Variants in ZZEF1 observed in about 807,000 individuals in gnomAD.
ZZEF1 encodes zinc finger ZZ-type and EF-hand domain containing 1, also known as zinc finger ZZ-type and EF-hand domain-containing protein 1.
Under a neutral mutation model 342.8 loss-of-function variants are expected in ZZEF1, and 157 were observed. That is an observed-to-expected ratio of 0.46 (90% CI 0.40 to 0.52). The LOEUF is 0.52. Among genes scored for constraint, ZZEF1 ranks in the 20% least tolerant of loss-of-function variants. ZZEF1 has a pLI of 0.00. For missense variants in ZZEF1, 3,480 were observed against 3,725.6 expected (o/e 0.93, Z 1.72); for synonymous variants, 1,505 against 1,429.1 (o/e 1.05, Z -1.20).
chr17:4,083,696 G>T (rs2057767633), intron 16 of ZZEF1, among the ~76,000 whole-genome samples: 1 of 147,554 alleles, frequency 6.8e-6, no homozygotes, highest in Admixed American at 6.8e-5. Context: ...GAAGTGCAGT[G>T]GCGTGATCTC....
At chr17:4,131,771 C>G (rs867549845) in intron 1 of ZZEF1, among the ~76,000 whole-genome samples, 1 of 151,630 alleles carries the variant, frequency 6.6e-6, no homozygotes, top group Non-Finnish European at 1.5e-5. Flanking sequence ...AGAGCAAGAC[C>G]CTGTCTCAAA....
In ZZEF1 at chr17:4,014,350, G is replaced by A; in HGVS notation, c.8311C>T (p.Pro2771Ser). ...AATCGAGTATTTGTTTCACTACCTG[G>A]AAGTTCAAAATCTTTCCACTTCTGC... ...SQQKWKDFEL[P>S]GDTLYYRFTS... The change falls in exon 50 of 55, where the codon CCA becomes TCA. Residue 2771 changes from proline (P) to serine (S), a missense_variant. Around this residue, in one of 5 missense-constraint regions of ZZEF1, gnomAD observed 1,269 missense variants for 1,342.4 expected, o/e 0.95. Coordinates refer to ENST00000381638, the MANE Select transcript of ZZEF1 (RefSeq NM_015113.4). This position sits in a 1 kb window ranked among gnomAD's most constrained non-coding sequence, Gnocchi z 4.4. 6.2e-7 allele frequency: 1 copy of A among 1,614,152 alleles called. No homozygotes were observed. Among genetic ancestry groups the A allele is most frequent in the Non-Finnish European group, 8.5e-7 (1 of 1,180,026 alleles).
Position 4,050,784 on chromosome 17 carries a change from T to TTCC in ZZEF1, c.5857_5859dup (p.Gly1953dup), listed in dbSNP as rs1356644156. 9.9e-6 allele frequency: 16 copies of TTCC among 1,613,756 alleles called. No individual in the cohort carries two copies. Among genetic ancestry groups the TTCC allele is most frequent in the Non-Finnish European group, 1.4e-5 (16 of 1,180,034 alleles). On this transcript the variant is annotated inframe_insertion, in exon 36 of 55. Coordinates refer to ENST00000381638, the MANE Select transcript of ZZEF1 (RefSeq NM_015113.4). ...TTTCTGTGCATTGGGAAGTCACCTT[T>TTCC]TCCCTGATGAGCCTTCATCAGACAG... is the stretch of plus-strand genomic sequence containing the variant.
chr17:4,070,237 C>A (rs2057482438), intron 26 of ZZEF1, among the ~76,000 whole-genome samples: 1 of 152,212 alleles, frequency 6.6e-6, no homozygotes, highest in Non-Finnish European at 1.5e-5. Context: ...CATTCAAGAA[C>A]TTAAACATCT....
intron 52 of ZZEF1, among the ~76,000 whole-genome samples, chr17:4,011,918 T>C (rs979206777): frequency 3.9e-5 from 6 of 152,156 alleles, no homozygotes; most frequent in Non-Finnish European, 7.4e-5. Context: ...GACTGCCCCT[T>C]GTGTGTGGCC....
At chr17:4,010,078 C>G (rs182186019) in intron 52 of ZZEF1, among the ~76,000 whole-genome samples, 26 of 152,252 alleles carry the variant, frequency 1.7e-4, no homozygotes, top group African/African-American at 6.0e-4. Context: ...AATCCCAGCA[C>G]TTTGGGAAGC....
intron 44 of ZZEF1, among the ~76,000 whole-genome samples, chr17:4,022,261 C>T (rs1309339751): frequency 4.6e-5 from 7 of 152,174 alleles, no homozygotes; most frequent in South Asian, 2.1e-4. Context: ...AGAAAGTCCA[C>T]AGGGAACCAC....
chr17:4,132,693 GTGGT>G (rs2058682537), intron 1 of ZZEF1, among the ~76,000 whole-genome samples: 1 of 123,636 alleles, frequency 8.1e-6, no homozygotes, highest in Non-Finnish European at 1.8e-5. Flanking sequence ...TTAGCCGGGT[GTGGT>G]GGCGGGCGCC....
At position 4,102,415 on chromosome 17, in the gene ZZEF1, C is replaced by T. The variant is rs2058141979; in HGVS notation, c.1574G>A (p.Gly525Asp). 6.2e-7 allele frequency: 1 copy of T among 1,612,944 alleles called. No homozygotes were observed. Among genetic ancestry groups the T allele is most frequent in the South Asian group, 1.1e-5 (1 of 91,032 alleles). The change falls in exon 9 of 55, where the codon GGT becomes GAT. Residue 525 changes from glycine (G) to aspartate (D), a missense_variant and splice_region_variant. By Grantham distance (94) the Gly-to-Asp change is moderately conservative. Around this residue, in one of 5 missense-constraint regions of ZZEF1, gnomAD observed 1,528 missense variants for 1,624.1 expected, o/e 0.94. Transcript: ENST00000381638. The stretch of plus-strand genomic sequence containing the variant: ...CTGAAGAGTCAACTGGAGAGGTTTA[C>T]CTGACCAAAGAAAAGGAAGACCAAG... Reference protein sequence around the residue: ...SVRQNLLLKYGKPLQLTLQAC... With the variant: ...SVRQNLLLKYDKPLQLTLQAC...
chr17:4,107,936 G>A (rs2058238621), intron 6 of ZZEF1, among the ~76,000 whole-genome samples: 1 of 152,170 alleles, frequency 6.6e-6, no homozygotes, highest in South Asian at 2.1e-4. Flanking sequence ...AGCATTCCGA[G>A]AATAATGAGA....
chr17:4,114,343 T>C lies in ZZEF1; in HGVS notation c.822A>G (p.Ser274=). ...DIDKMTNGET[S]SYWQSDGSAC... is the part of the protein sequence containing the mutation. ...CACTGCCATCTGACTGCCAGTAGGA[T>C]GAGGTTTCTCCATTTGTCATCTTGT... Residue 274 remains serine (S), a synonymous_variant, in exon 4 of 55, where the codon TCA becomes TCG. Coordinates refer to ENST00000381638, the MANE Select transcript of ZZEF1 (RefSeq NM_015113.4). The C allele has an allele frequency of 6.2e-7, 1 of 1,610,962 alleles. No individual in the cohort carries two copies. Among genetic ancestry groups the C allele is most frequent in the Non-Finnish European group, 8.5e-7 (1 of 1,178,552 alleles).
At chr17:4,037,742 C>A (rs2056705997) in intron 39 of ZZEF1, among the ~76,000 whole-genome samples, 1 of 152,128 alleles carries the variant, frequency 6.6e-6, no homozygotes, top group African/African-American at 2.4e-5. Flanking sequence ...TGCCACCATG[C>A]CTGGTTAATT....
At position 4,031,929 on chromosome 17, in the gene ZZEF1, T is replaced by A. The variant is rs968115; in HGVS notation, c.6892+197A>T. On this transcript the variant is annotated intron_variant, in intron 42 of 54. Transcript: ENST00000381638. ...GAGCCATATACACAAAAAGACAGCA[T>A]GGAAAGGGGCCTTTGAAATTATCCC... Among the ~76,000 whole-genome samples the A allele has an allele frequency of 2.0e-5, 3 of 152,134 alleles. No homozygotes were observed. The South Asian group carries it at 6.2e-4, about 32-fold the overall frequency.
At chr17:4,053,801 A>C (rs1359776725) in intron 34 of ZZEF1, among the ~76,000 whole-genome samples, 2 of 152,238 alleles carry the variant, frequency 1.3e-5, no homozygotes, top group Admixed American at 6.5e-5. Flanking sequence ...TCCACTGAAC[A>C]TACATACACT....
chr17:4,048,584 T>C (rs1160258760), intron 37 of ZZEF1, among the ~76,000 whole-genome samples: 1 of 152,226 alleles, frequency 6.6e-6, no homozygotes, highest in African/African-American at 2.4e-5. Flanking sequence ...GAATAGCTTT[T>C]CTGTTTATGC....
In ZZEF1 at chr17:4,070,881, T is replaced by C. The variant is rs566534681; in HGVS notation, c.3878A>G (p.Asp1293Gly). 4.3e-6 allele frequency: 7 copies of C among 1,613,852 alleles called. No individual in the cohort carries two copies. In the East Asian group the frequency reaches 1.1e-4, roughly 26 times the overall value. ...PDDPCRHFLL[D>G]FAQSEPAQNF... is the part of the protein sequence containing the mutation. ...CTGAGCAGGCTCTGACTGGGCAAAA[T>C]CAAGAAGAAAATGGCGGCAGGGGTC... Residue 1293 changes from aspartate (D) to glycine (G), a missense_variant, in exon 26 of 55, where the codon GAT becomes GGT. Coordinates refer to ENST00000381638, the MANE Select transcript of ZZEF1 (RefSeq NM_015113.4).
intron 9 of ZZEF1, among the ~76,000 whole-genome samples, chr17:4,100,492 A>C (rs575725548): frequency 6.6e-6 from 1 of 152,324 alleles, no homozygotes; most frequent in East Asian, 1.9e-4. Context: ...GGGTAGGTAA[A>C]AGACACAGGG....
chr17:4,022,896 T>TCA, intron 43 of ZZEF1, 68 bp from the exon 44 acceptor site: 2 of 1,569,744 alleles, frequency 1.3e-6, no homozygotes, highest in Non-Finnish European at 1.7e-6. Flanking sequence ...TAGCTGTAAC[T>TCA]CAGTCTGTTC....
intron 1 of ZZEF1, among the ~76,000 whole-genome samples, chr17:4,136,481 G>A (rs929103234): frequency 1.4e-4 from 22 of 152,140 alleles, no homozygotes; most frequent in African/African-American, 4.6e-4. Flanking sequence ...AGGCGACTGA[G>A]ACACTGTGGT....
Sources: allele counts gnomAD v4.1 joint callset (sites outside exome capture counted in the v4.1 genomes callset), GRCh38; gene constraint gnomAD v4.1.1; regional missense constraint gnomAD v4.1.1; non-coding constraint Gnocchi (gnomAD v3.1); transcripts MANE v1.5; gene names NCBI Gene and HGNC (gene_info 2026-07-23, HGNC 2026-07-21).